The following FAM135A variants were observed in gnomAD, a reference collection of about 807,000 sequenced individuals.
FAM135A encodes the protein protein FAM135A.
FAM135A carries 79 observed loss-of-function variants against 146.8 expected under a neutral mutation model. The observed-to-expected ratio is 0.54, with a 90% CI of 0.45 to 0.65. FAM135A has a LOEUF of 0.65. Among genes scored for constraint, FAM135A ranks in the 30% least tolerant of loss-of-function variants. The pLI is 0.00. For missense variants in FAM135A, 1,623 were observed against 1,758.2 expected, an observed-to-expected ratio of 0.92 and a Z score of 1.38; for synonymous variants, 562 against 603.6, an observed-to-expected ratio of 0.93 and a Z score of 1.01.
intron 12 of FAM135A, among the ~76,000 whole-genome samples, chr6:70,507,467 A>G (rs7753355): frequency 0.27 from 40,863 of 152,034 alleles, 7,061 homozygotes; most frequent in African/African-American, 0.49. Context: ...ACAATTGAGC[A>G]AAGTCACAGA....
chr6:70,419,414 G>A (rs943605740), intron 2 of FAM135A, among the ~76,000 whole-genome samples: 11 of 32,930 alleles, frequency 3.3e-4, no homozygotes, highest in African/African-American at 1.4e-3. Flanking sequence ...GCGAGACTTC[G>A]TCTCAAAAAA....
intron 11 of FAM135A, among the ~76,000 whole-genome samples, chr6:70,499,778 T>A: frequency 6.6e-6 from 1 of 152,222 alleles, no homozygotes; most frequent in East Asian, 1.9e-4. Context: ...AAAATGCTTT[T>A]CTTTTGAGAA....
In FAM135A at chr6:70,426,434, C is replaced by T. The variant is rs1188067783; in HGVS notation, c.-133-5C>T. 6.6e-6 allele frequency: 1 copy of T among 151,596 alleles called. No individual in the cohort carries two copies. Among genetic ancestry groups the T allele is most frequent in the Non-Finnish European group, 1.5e-5 (1 of 67,894 alleles). The allele number at this position is 151,596 out of a possible 1,614,324, so 9.4% of individuals were successfully genotyped here. On this transcript the variant is annotated splice_polypyrimidine_tract_variant and splice_region_variant and intron_variant, in intron 2 of 21. Transcript: ENST00000418814. The stretch of plus-strand genomic sequence containing the variant: ...GGTTTGAGATGTTACTTTTTTTTCT[C>T]ATAGGGGGAACGGTGTATTTTTAAC...
At position 70,525,174 on chromosome 6, in the gene FAM135A, A is replaced by T; in HGVS notation, c.2090A>T (p.Glu697Val). Residue 697 changes from glutamate (E) to valine (V), a missense_variant, in exon 15 of 22, where the codon GAG (glutamate) becomes GTG (valine). Coordinates refer to ENST00000418814, the MANE Select transcript of FAM135A (RefSeq NM_001162529.3). ...GTGGATAATTTACTACCCAACTTTG[A>T]GTCCTTAGAATCTAATGGTAAATCT... ...ILVDNLLPNF[E>V]SLESNGKSKS... 1 of 1,589,058 alleles carries T rather than the reference A, an allele frequency of 6.3e-7. No homozygotes were observed. Among genetic ancestry groups the T allele is most frequent in the South Asian group, 1.2e-5 (1 of 85,748 alleles).
At chr6:70,456,168 G>A (rs183059361) in intron 5 of FAM135A, among the ~76,000 whole-genome samples, 1 of 152,154 alleles carries the variant, frequency 6.6e-6, no homozygotes, top group East Asian at 1.9e-4. Flanking sequence ...CTCAGCAAAT[G>A]ATTGATTCAA....
At chr6:70,435,322 C>T (rs111926754) in intron 4 of FAM135A, among the ~76,000 whole-genome samples, 19,730 of 151,564 alleles carry the variant, frequency 0.13, 1,521 homozygotes, top group Middle Eastern at 0.19. Context: ...CCAGGCTGGT[C>T]TCAAACTCCT....
At chr6:70,467,604 C>T (rs1780711583) in intron 5 of FAM135A, among the ~76,000 whole-genome samples, 1 of 151,912 alleles carries the variant, frequency 6.6e-6, no homozygotes, top group African/African-American at 2.4e-5. Flanking sequence ...CTTCTTGGCT[C>T]TACTATGATA....
At chr6:70,489,739 C>T (rs1172065464) in intron 10 of FAM135A, among the ~76,000 whole-genome samples, 2 of 152,130 alleles carry the variant, frequency 1.3e-5, no homozygotes, top group East Asian at 1.9e-4. Context: ...GGCATACATG[C>T]TCTGTAGTTG....
chr6:70,551,432 G>A (rs1582909213), intron 20 of FAM135A, among the ~76,000 whole-genome samples: 1 of 152,036 alleles, frequency 6.6e-6, no homozygotes, highest in South Asian at 2.1e-4. Context: ...AACACAATGA[G>A]CACCTATTTC....
chr6:70,429,283 C>G (rs1562400035), intron 4 of FAM135A, among the ~76,000 whole-genome samples: 1 of 152,038 alleles, frequency 6.6e-6, no homozygotes, highest in African/African-American at 2.4e-5. Flanking sequence ...GAGGCCGAGG[C>G]GGGCAGATCA....
At chr6:70,423,842 C>G (rs1297302059) in intron 2 of FAM135A, among the ~76,000 whole-genome samples, 1 of 152,160 alleles carries the variant, frequency 6.6e-6, no homozygotes, top group Non-Finnish European at 1.5e-5. Context: ...CCATTAGTTG[C>G]ATTAATCCAA....
At position 70,524,733 on chromosome 6, in the gene FAM135A, T is replaced by C; in HGVS notation, c.1649T>C (p.Leu550Pro). ...GNPSHSQKEG[L>P]DPTICGYNFD... ...CCTTCACATAGTCAGAAGGAAGGTC[T>C]GGATCCCACAATATGTGGATATAAT... Residue 550 changes from leucine (L) to proline (P), a missense_variant, in exon 15 of 22, where the codon CTG (leucine) becomes CCG (proline). Physicochemically the swap from Leu to Pro is moderately conservative, Grantham distance 98. Around this residue, in one of 7 missense-constraint regions of FAM135A, gnomAD observed 1,061 missense variants for 1,113.8 expected, o/e 0.95. Coordinates refer to ENST00000418814, the MANE Select transcript of FAM135A (RefSeq NM_001162529.3). 1.3e-5 allele frequency: 20 copies of C among 1,549,482 alleles called. No homozygotes were observed. Among genetic ancestry groups the C allele is most frequent in the Non-Finnish European group, 1.7e-5 (19 of 1,146,362 alleles).
intron 5 of FAM135A, among the ~76,000 whole-genome samples, chr6:70,468,710 G>C (rs1268865693): frequency 1.2e-4 from 18 of 152,174 alleles, no homozygotes; most frequent in Admixed American, 1.2e-3. Flanking sequence ...ACTCTTGTCT[G>C]TCTCCTTCCT....
chr6:70,536,839 A>G (rs1796880374), intron 19 of FAM135A, among the ~76,000 whole-genome samples: 1 of 152,070 alleles, frequency 6.6e-6, no homozygotes, highest in Admixed American at 6.5e-5. Flanking sequence ...ATTTTTACGA[A>G]GGTGATTCAG....
chr6:70,471,047 C>T (rs528031851), intron 5 of FAM135A, among the ~76,000 whole-genome samples: 19 of 152,216 alleles, frequency 1.2e-4, no homozygotes, highest in African/African-American at 3.4e-4. Context: ...TTGGAAAATA[C>T]GGTATGATTG....
In FAM135A at chr6:70,526,416, C is replaced by G. The variant is rs781513810; in HGVS notation, c.3332C>G (p.Thr1111Arg). ...EETDYSALDG[T>R]INAHYTSRDE... ...ACAGATTATTCAGCTTTGGATGGAA[C>G]AATAAATGCTCACTATACAAGCAGA... The change falls in exon 15 of 22, where the codon ACA (threonine) becomes AGA (arginine). Residue 1111 changes from threonine to arginine, a missense_variant. By Grantham distance (71) the Thr-to-Arg change is moderately conservative. This residue lies in a region of FAM135A where 1,061 missense variants were observed against 1,113.8 expected (regional missense o/e 0.95). Coordinates refer to ENST00000418814, the MANE Select transcript of FAM135A (RefSeq NM_001162529.3). The G allele has an allele frequency of 1.9e-6, 3 of 1,613,488 alleles. No homozygotes were observed. Among genetic ancestry groups the G allele is most frequent in the Non-Finnish European group, 2.5e-6 (3 of 1,179,644 alleles).
intron 11 of FAM135A, among the ~76,000 whole-genome samples, chr6:70,497,709 G>T (rs577982781): frequency 6.6e-6 from 1 of 152,138 alleles, no homozygotes; most frequent in Non-Finnish European, 1.5e-5. Context: ...AACATGAAGG[G>T]ATGTTAAATT....
intron 5 of FAM135A, among the ~76,000 whole-genome samples, chr6:70,464,054 G>A (rs1240308101): frequency 6.6e-6 from 1 of 151,918 alleles, no homozygotes; most frequent in African/African-American, 2.4e-5. Flanking sequence ...TCTTACTTAT[G>A]TTCATGTCTT....
intron 4 of FAM135A, among the ~76,000 whole-genome samples, chr6:70,433,847 T>C (rs1772336461): frequency 6.6e-6 from 1 of 152,244 alleles, no homozygotes; most frequent in Non-Finnish European, 1.5e-5. Flanking sequence ...AGATTACTAA[T>C]GTATTTACAT....
Sources: gnomAD v4.1 joint callset for allele counts (sites outside exome capture counted in the v4.1 genomes callset) on GRCh38, gnomAD v4.1.1 for gene constraint, gnomAD v4.1.1 regional missense constraint, MANE v1.5 for transcripts, NCBI Gene and HGNC (gene_info 2026-07-23, HGNC 2026-07-21) for gene names.